Variants in SORCS1 observed in about 807,000 individuals in gnomAD.
SORCS1 encodes VPS10 domain-containing receptor SorCS1.
A neutral mutation model predicts 146.1 loss-of-function variants in SORCS1; 60 were observed. The observed-to-expected ratio is 0.41, with a 90% CI of 0.33 to 0.51. The LOEUF (loss-of-function observed/expected upper bound fraction) is 0.51. Ranked by LOEUF, SORCS1 falls within the 20% of genes least tolerant of loss-of-function variation. SORCS1 has a pLI of 0.21. For missense variants in SORCS1, 1,352 were observed against 1,487.6 expected, an observed-to-expected ratio of 0.91 and a Z score of 1.50; for synonymous variants, 637 against 584.0, an observed-to-expected ratio of 1.09 and a Z score of -1.31.
chr10:106,872,208 C>T (rs1950435390), intron 2 of SORCS1, among the ~76,000 whole-genome samples: 1 of 152,144 alleles, frequency 6.6e-6, no homozygotes, highest in African/African-American at 2.4e-5. Flanking sequence ...CCAAAGAAGG[C>T]CTCCTTGAAA....
chr10:107,023,238 C>G (rs1001214947), intron 1 of SORCS1, among the ~76,000 whole-genome samples: 2 of 152,188 alleles, frequency 1.3e-5, no homozygotes, highest in African/African-American at 4.8e-5. Context: ...GCTTTTTATT[C>G]TTAGTACACT....
intron 2 of SORCS1, among the ~76,000 whole-genome samples, chr10:106,864,528 G>A (rs1467718520): frequency 6.6e-6 from 1 of 152,124 alleles, no homozygotes; most frequent in Non-Finnish European, 1.5e-5. Flanking sequence ...TGAGCTTCCC[G>A]GCAAAAGCAG....
At chr10:107,054,555 A>G (rs1960418940) in intron 1 of SORCS1, among the ~76,000 whole-genome samples, 1 of 152,180 alleles carries the variant, frequency 6.6e-6, no homozygotes, top group South Asian at 2.1e-4. Flanking sequence ...TGAGGGCAAA[A>G]GGGCTAGAAT....
intron 18 of SORCS1, among the ~76,000 whole-genome samples, chr10:106,632,223 G>T (rs1466063207): frequency 6.6e-6 from 1 of 152,176 alleles, no homozygotes; most frequent in African/African-American, 2.4e-5. Context: ...CTCTTGGCTT[G>T]GACTCTGCAC....
chr10:106,973,940 C>T (rs1012842729), intron 1 of SORCS1, among the ~76,000 whole-genome samples: 71 of 152,202 alleles, frequency 4.7e-4, no homozygotes, highest in African/African-American at 1.7e-3. Flanking sequence ...GGGAGGCAGG[C>T]ACAATAAAGA....
intron 1 of SORCS1, among the ~76,000 whole-genome samples, chr10:107,048,269 C>G (rs559093432): frequency 1.3e-5 from 2 of 152,162 alleles, no homozygotes; most frequent in South Asian, 4.2e-4. Flanking sequence ...AGAGAGTGAG[C>G]TTTAGTATAC....
chr10:107,085,177 T>C (rs1460561187), intron 1 of SORCS1, among the ~76,000 whole-genome samples: 1 of 152,216 alleles, frequency 6.6e-6, no homozygotes. Context: ...TAGACAGAGA[T>C]GTCACTAAAT....
At chr10:106,610,252 G>C (rs1644167503) in intron 22 of SORCS1, among the ~76,000 whole-genome samples, 1 of 151,858 alleles carries the variant, frequency 6.6e-6, no homozygotes, top group South Asian at 2.1e-4. Context: ...CCCTAGAGTG[G>C]AGTGGTTAGG....
chr10:106,691,950 T>C (rs1246988493), intron 9 of SORCS1, among the ~76,000 whole-genome samples: 2 of 152,122 alleles, frequency 1.3e-5, no homozygotes, highest in African/African-American at 4.8e-5. Context: ...TATGGTCTCC[T>C]ACTCTAATAC....
intron 4 of SORCS1, among the ~76,000 whole-genome samples, chr10:106,770,126 G>A (rs533696988): frequency 6.6e-6 from 1 of 152,212 alleles, no homozygotes; most frequent in East Asian, 1.9e-4. Flanking sequence ...TCCATTATTT[G>A]TAAACAGAAC....
intron 3 of SORCS1, among the ~76,000 whole-genome samples, chr10:106,777,648 C>T (rs1486863047): frequency 1.3e-5 from 2 of 152,160 alleles, no homozygotes; most frequent in Admixed American, 6.5e-5. Flanking sequence ...TTGGGATGCC[C>T]AATTTTGTCC....
At chr10:106,611,554 G>C (rs1052074541) in intron 22 of SORCS1, among the ~76,000 whole-genome samples, 3 of 152,288 alleles carry the variant, frequency 2.0e-5, no homozygotes, top group Middle Eastern at 6.8e-3. Flanking sequence ...TTCACTGGCA[G>C]GTACAGTAGC....
chr10:106,828,122 C>T (rs961036709), intron 3 of SORCS1, among the ~76,000 whole-genome samples: 6 of 152,160 alleles, frequency 3.9e-5, no homozygotes, highest in South Asian at 2.1e-4. Context: ...TAACTGTCCC[C>T]CTTTTAAACC....
intron 2 of SORCS1, among the ~76,000 whole-genome samples, chr10:106,888,476 A>G (rs551056388): frequency 7.3e-6 from 1 of 136,382 alleles, no homozygotes; most frequent in Admixed American, 7.3e-5. Flanking sequence ...TAGGGTCAGT[A>G]TTTAGCTAAG....
intron 1 of SORCS1, among the ~76,000 whole-genome samples, chr10:107,137,825 G>A (rs1233081036): frequency 2.0e-5 from 3 of 148,412 alleles, no homozygotes. Context: ...TCATGCCATT[G>A]CACTCCAGCC....
rs1417174328 is a variant in SORCS1 at position 106,842,810 on chromosome 10, A to G, written c.627-13137T>C. Among the ~76,000 whole-genome samples, 19 of 142,038 alleles carry G rather than the reference A, an allele frequency of 1.3e-4. No individual in the cohort carries two copies. In the East Asian group the frequency reaches 2.0e-3, roughly 15 times the overall value. The allele number at this position is 142,038 out of a possible 152,430, so 93.2% of individuals were successfully genotyped here. A position where few individuals can be genotyped will look rare whatever the true frequency, so the allele number is the denominator to read the frequency against. On this transcript the variant is annotated intron_variant, in intron 2 of 25. Coordinates refer to ENST00000263054, the MANE Select transcript of SORCS1 (RefSeq NM_052918.5). ...GTATTTTTAGTAGAGATGGGGTTTC[A>G]CCATGTAGGCCAGGCTGGTCTTGAA...
chr10:107,147,413 C>A (rs556065403), intron 1 of SORCS1, among the ~76,000 whole-genome samples: 7 of 152,288 alleles, frequency 4.6e-5, no homozygotes, highest in African/African-American at 1.7e-4. Flanking sequence ...CATGCTTTAT[C>A]AAAGTGCACC....
chr10:107,125,823 G>A (rs1642286412), intron 1 of SORCS1, among the ~76,000 whole-genome samples: 1 of 152,040 alleles, frequency 6.6e-6, no homozygotes, highest in South Asian at 2.1e-4. Flanking sequence ...CAGCAAAGTG[G>A]CACATATCCC....
At chr10:106,672,455 C>T (rs1468512582) in intron 15 of SORCS1, among the ~76,000 whole-genome samples, 2 of 152,118 alleles carry the variant, frequency 1.3e-5, no homozygotes, top group African/African-American at 4.8e-5. Context: ...AGGATTTCTC[C>T]GGCAACACTC....
Sources: allele counts gnomAD v4.1 joint callset (sites outside exome capture counted in the v4.1 genomes callset), GRCh38; gene constraint gnomAD v4.1.1; transcripts MANE v1.5; gene names NCBI Gene and HGNC (gene_info 2026-07-23, HGNC 2026-07-21).